Variants in SLC35F1 observed in about 807,000 individuals in gnomAD.
SLC35F1 encodes the protein solute carrier family 35 member F1, also known as chromosome 6 open reading frame 169.
A neutral mutation model predicts 48.7 loss-of-function variants in SLC35F1; 14 were observed. That is an observed-to-expected ratio of 0.29 (90% confidence interval 0.19 to 0.45). The LOEUF (loss-of-function observed/expected upper bound fraction) is 0.45. Ranked by LOEUF, SLC35F1 falls within the 20% of genes least tolerant of loss-of-function variation. The probability of loss-of-function intolerance (pLI) is 1.00; values close to 1 mark genes in which losing one functional copy is unlikely to be tolerated. For missense variants in SLC35F1, 404 were observed against 500.0 expected (o/e 0.81, Z 1.83); for synonymous variants, 190 against 202.2 (o/e 0.94, Z 0.51).
rs563003693 is a variant in SLC35F1, at chr6:118,103,818, TG to T, written c.174-50626del. On this transcript the variant is annotated intron_variant, in intron 1 of 7. Transcript: ENST00000360388. ...GATGATTGTTCAGGCAACCTTGAAA[TG>T]TTTTTTTTTCTGATCTCACATTTTA... Among the ~76,000 whole-genome samples the T allele has an allele frequency of 3.4e-4, 52 of 152,206 alleles. 1 individual carries two copies. In the South Asian group the frequency reaches 8.1e-3, roughly 24 times the overall value.
intron 1 of SLC35F1, among the ~76,000 whole-genome samples, chr6:118,122,641 T>C (rs1773568026): frequency 6.6e-6 from 1 of 152,216 alleles, no homozygotes; most frequent in Non-Finnish European, 1.5e-5. Context: ...AAAATGGACT[T>C]ATTTGAGTCC....
intron 1 of SLC35F1, among the ~76,000 whole-genome samples, chr6:117,925,226 T>G (rs1776012923): frequency 6.6e-6 from 1 of 152,092 alleles, no homozygotes; most frequent in African/African-American, 2.4e-5. Context: ...GCATGGAGAT[T>G]GTTGTTGGTC....
intron 2 of SLC35F1, among the ~76,000 whole-genome samples, chr6:118,219,787 G>C (rs1775121819): frequency 6.6e-6 from 1 of 152,168 alleles, no homozygotes; most frequent in South Asian, 2.1e-4. Context: ...ATCAGTGATA[G>C]ACTGGATTAA....
chr6:118,110,813 A>G (rs550097412), intron 1 of SLC35F1, among the ~76,000 whole-genome samples: 1 of 152,040 alleles, frequency 6.6e-6, no homozygotes, highest in African/African-American at 2.4e-5. Flanking sequence ...AAAGCATTCT[A>G]TAGTCCTATG....
chr6:118,308,727 C>T (rs185819155), intron 7 of SLC35F1, among the ~76,000 whole-genome samples: 11 of 152,276 alleles, frequency 7.2e-5, no homozygotes, highest in South Asian at 2.1e-4. Flanking sequence ...TTCATATATG[C>T]GAAATACCTT....
intron 7 of SLC35F1, among the ~76,000 whole-genome samples, chr6:118,295,281 A>G (rs965415045): frequency 6.6e-6 from 1 of 152,200 alleles, no homozygotes; most frequent in East Asian, 1.9e-4. Flanking sequence ...ATATTTATTT[A>G]TTCTGTACCT....
At chr6:118,074,052 A>G (rs1461035545) in intron 1 of SLC35F1, among the ~76,000 whole-genome samples, 13 of 152,144 alleles carry the variant, frequency 8.5e-5, no homozygotes, top group Non-Finnish European at 1.3e-4. Context: ...CCTATAGACT[A>G]TATTTTTTTC....
chr6:118,105,287 A>G (rs1376722123), intron 1 of SLC35F1, among the ~76,000 whole-genome samples: 1 of 152,152 alleles, frequency 6.6e-6, no homozygotes, highest in Non-Finnish European at 1.5e-5. Context: ...TCTTAAGTAA[A>G]GTTATAATGG....
chr6:117,985,898 G>A (rs1415872368), intron 1 of SLC35F1, among the ~76,000 whole-genome samples: 1 of 152,150 alleles, frequency 6.6e-6, no homozygotes, highest in African/African-American at 2.4e-5. Context: ...ATGAAAATGG[G>A]GAACTTTATT....
chr6:117,965,385 C>T (rs917252507), intron 1 of SLC35F1, among the ~76,000 whole-genome samples: 17 of 152,192 alleles, frequency 1.1e-4, no homozygotes, highest in African/African-American at 4.1e-4. Context: ...AGCCTTTTTT[C>T]AGGCCTACCA....
intron 3 of SLC35F1, among the ~76,000 whole-genome samples, chr6:118,247,935 AT>A (rs1235097817): frequency 3.3e-5 from 5 of 152,256 alleles, no homozygotes; most frequent in Non-Finnish European, 5.9e-5. Context: ...AGAAAGTATT[AT>A]CTAGCATAAT....
In SLC35F1 at chr6:118,288,884, C is replaced by CA. The variant is rs1020248001; in HGVS notation, c.1002+3553dup. ...GATAACATCTTGCCAAACTGCAGTA[C>CA]AAAAAAACCCCACAAAACGGTAGTA... On this transcript the variant is annotated intron_variant, in intron 7 of 7. Transcript: ENST00000360388. Among the ~76,000 whole-genome samples, 6 of 152,126 alleles carry CA rather than the reference C, an allele frequency of 3.9e-5. No individual in the cohort carries two copies. The East Asian group carries it at 5.8e-4, about 15-fold the overall frequency.
At chr6:118,048,390 G>A (rs1364898567) in intron 1 of SLC35F1, among the ~76,000 whole-genome samples, 1 of 152,066 alleles carries the variant, frequency 6.6e-6, no homozygotes, top group African/African-American at 2.4e-5. Context: ...GATGATGCTG[G>A]CCTCATAAAA....
rs1775707087 is a variant in SLC35F1 at position 117,907,703 on chromosome 6, C to T, written c.-24C>T. On this transcript the variant is annotated 5_prime_UTR_variant, in exon 1 of 8. Transcript: ENST00000360388. ...ATGCACCCGGCTGCGTTCTGATCGCCGCCGCGCCTCAGCCTCTGCCGCGAT... is the reference window on the plus strand; with the variant it reads ...ATGCACCCGGCTGCGTTCTGATCGCTGCCGCGCCTCAGCCTCTGCCGCGAT... 1.4e-6 allele frequency: 2 copies of T among 1,431,078 alleles called. No homozygotes were observed. The highest frequency in any genetic ancestry group is 2.9e-5 in the African/African-American group (2 of 67,860). The allele number at this position is 1,431,078 out of a possible 1,614,324, so 88.6% of individuals were successfully genotyped here.
intron 3 of SLC35F1, 114 bp downstream of exon 3, chr6:118,235,750 G>A: frequency 1.2e-5 from 12 of 1,041,912 alleles, no homozygotes; most frequent in Non-Finnish European, 1.6e-5. Context: ...CTATACTATA[G>A]TATACAGACT....
At chr6:118,121,086 G>A (rs1448776018) in intron 1 of SLC35F1, among the ~76,000 whole-genome samples, 2 of 152,186 alleles carry the variant, frequency 1.3e-5, no homozygotes, top group East Asian at 1.9e-4. Context: ...ACAATGAAAA[G>A]AGGTTTAGAG....
At chr6:117,946,354 A>G (rs1776295134) in intron 1 of SLC35F1, among the ~76,000 whole-genome samples, 1 of 152,200 alleles carries the variant, frequency 6.6e-6, no homozygotes, top group Admixed American at 6.5e-5. Flanking sequence ...TTCTCACAAC[A>G]ATTCTAAGAT....
intron 1 of SLC35F1, among the ~76,000 whole-genome samples, chr6:117,923,665 A>G (rs58984227): frequency 0.059 from 3,114 of 52,578 alleles, 1,059 homozygotes; most frequent in Middle Eastern, 0.19. Flanking sequence ...ATATGTATAT[A>G]TACATATATG....
At chr6:118,206,989 T>C in intron 2 of SLC35F1, among the ~76,000 whole-genome samples, 1 of 152,232 alleles carries the variant, frequency 6.6e-6, no homozygotes, top group Non-Finnish European at 1.5e-5. Context: ...ATTTAACAAA[T>C]TCTGACATGT....
Sources: allele counts gnomAD v4.1 joint callset (sites outside exome capture counted in the v4.1 genomes callset), GRCh38; gene constraint gnomAD v4.1.1; transcripts MANE v1.5; gene names NCBI Gene and HGNC (gene_info 2026-07-23, HGNC 2026-07-21).